The following MARK1 variants were observed in gnomAD, a reference collection of about 807,000 sequenced individuals.
The protein encoded by MARK1 is microtubule affinity regulating kinase 1, also known as serine/threonine-protein kinase MARK1.
A neutral mutation model predicts 96.3 loss-of-function variants in MARK1; 40 were observed. That is an observed-to-expected ratio of 0.42 (90% CI 0.32 to 0.54). The LOEUF (loss-of-function observed/expected upper bound fraction) is 0.54, where lower values mean the gene tolerates loss of function less well. MARK1 is among the 20% of genes least tolerant of loss of function. MARK1 has a pLI of 0.16. For synonymous variants in MARK1, 317 were observed against 341.2 expected (o/e 0.93, Z 0.78); for missense variants, 719 against 984.6 (o/e 0.73, Z 3.61).
At chr1:220,605,027 T>A (rs540051517) in intron 6 of MARK1, among the ~76,000 whole-genome samples, 1 of 152,260 alleles carries the variant, frequency 6.6e-6, no homozygotes, top group South Asian at 2.1e-4. Context: ...GTAATCAGTA[T>A]GTTCGGAAAA....
chr1:220,593,679 G>A (rs1423813485), intron 3 of MARK1, among the ~76,000 whole-genome samples: 1 of 152,128 alleles, frequency 6.6e-6, no homozygotes, highest in Non-Finnish European at 1.5e-5. Context: ...GGTTCTCAGG[G>A]AGGTGAGTCT....
intron 1 of MARK1, among the ~76,000 whole-genome samples, chr1:220,551,133 C>T (rs561097160): frequency 6.6e-6 from 1 of 152,302 alleles, no homozygotes; most frequent in African/African-American, 2.4e-5. Flanking sequence ...TAAGCTGGTG[C>T]CCTTCATTGG....
At chr1:220,598,689 A>G (rs551745073) in intron 4 of MARK1, among the ~76,000 whole-genome samples, 1 of 151,838 alleles carries the variant, frequency 6.6e-6, no homozygotes, top group African/African-American at 2.4e-5. Context: ...AATGTTTCTA[A>G]ATTTAAAAAA....
chr1:220,561,744 A>C (rs1203006667), intron 1 of MARK1, among the ~76,000 whole-genome samples: 2 of 152,230 alleles, frequency 1.3e-5, no homozygotes, highest in Non-Finnish European at 2.9e-5. Context: ...GGGTGAATGA[A>C]GAGACAGTAT....
chr1:220,604,713 GAA>G (rs1178498183), intron 6 of MARK1, among the ~76,000 whole-genome samples: 1 of 151,636 alleles, frequency 6.6e-6, no homozygotes, highest in Non-Finnish European at 1.5e-5. Context: ...GATAAAATAA[GAA>G]AAAATAAATT....
chr1:220,555,919 C>A (rs1269505520), intron 1 of MARK1, among the ~76,000 whole-genome samples: 1 of 152,172 alleles, frequency 6.6e-6, no homozygotes, highest in Non-Finnish European at 1.5e-5. Context: ...GGTTCCCTTT[C>A]TTCTTGCTGC....
intron 1 of MARK1, chr1:220,576,764 T>TTTG (rs1663879661): frequency 6.6e-6 from 1 of 152,204 alleles, no homozygotes; most frequent in African/African-American, 2.4e-5. Context: ...TATTTGTGCC[T>TTTG]AACACTATAT....
intron 3 of MARK1, among the ~76,000 whole-genome samples, chr1:220,586,003 ACACACACACG>A (rs893603085): frequency 3.6e-4 from 15 of 41,934 alleles, no homozygotes; most frequent in African/African-American, 6.4e-4. Flanking sequence ...ACACACACAC[ACACACACACG>A]CGCGCGTGCG....
chr1:220,637,039 C>T (rs1572213805), intron 13 of MARK1, among the ~76,000 whole-genome samples: 1 of 152,248 alleles, frequency 6.6e-6, no homozygotes, highest in African/African-American at 2.4e-5. Flanking sequence ...CTTATCTAGC[C>T]ATGTTGTCAT....
At chr1:220,650,142 C>T (rs1436418475) in intron 13 of MARK1, among the ~76,000 whole-genome samples, 1 of 152,134 alleles carries the variant, frequency 6.6e-6, no homozygotes, top group Non-Finnish European at 1.5e-5. Flanking sequence ...GGCATTTAGT[C>T]TGCTTAATAT....
At chr1:220,560,936 T>C (rs993664290) in intron 1 of MARK1, among the ~76,000 whole-genome samples, 1 of 152,188 alleles carries the variant, frequency 6.6e-6, no homozygotes, top group Non-Finnish European at 1.5e-5. Context: ...AGCTCATTTG[T>C]ATATGTGTGT....
In MARK1 at chr1:220,535,830, G is replaced by A. The variant is rs377600991; in HGVS notation, c.51+6957G>A. 7.9e-5 allele frequency among the ~76,000 whole-genome samples: 12 copies of A among 152,170 alleles called. 1 individual carries two copies. Among genetic ancestry groups the A allele is most frequent in the Admixed American group, 2.6e-4 (4 of 15,268 alleles). On this transcript the variant is annotated intron_variant, in intron 1 of 17. Transcript: ENST00000366917. ...GAAAATCATTTGACTGTGTATGCATGGGTTCATTTCTGAGCTCTCTATTCT... is the reference window on the plus strand; with the variant it reads ...GAAAATCATTTGACTGTGTATGCATAGGTTCATTTCTGAGCTCTCTATTCT...
intron 9 of MARK1, among the ~76,000 whole-genome samples, chr1:220,621,424 G>C (rs939043282): frequency 5.9e-5 from 9 of 152,042 alleles, no homozygotes; most frequent in Non-Finnish European, 7.4e-5. Context: ...GTGACCCAAG[G>C]CTTTTGAATG....
At chr1:220,655,626 C>T (rs898026551) in intron 16 of MARK1, among the ~76,000 whole-genome samples, 1 of 152,162 alleles carries the variant, frequency 6.6e-6, no homozygotes, top group South Asian at 2.1e-4. Context: ...CAGGATTTAA[C>T]TGCTTGTATC....
At chr1:220,587,633 G>A (rs1664732448) in intron 3 of MARK1, among the ~76,000 whole-genome samples, 1 of 152,118 alleles carries the variant, frequency 6.6e-6, no homozygotes, top group African/African-American at 2.4e-5. Context: ...GCCTCCCAAA[G>A]TGCTGGGATT....
intron 1 of MARK1, among the ~76,000 whole-genome samples, chr1:220,567,481 C>G (rs1018132454): frequency 1.3e-5 from 2 of 152,086 alleles, no homozygotes; most frequent in African/African-American, 4.8e-5. Flanking sequence ...ATGTGGTAAG[C>G]CTTTTCACAT....
chr1:220,563,711 A>C (rs1489885563), intron 1 of MARK1, among the ~76,000 whole-genome samples: 1 of 152,094 alleles, frequency 6.6e-6, no homozygotes, highest in African/African-American at 2.4e-5. Context: ...GTGGTAACCT[A>C]GGAATACCCA....
At position 220,556,508 on chromosome 1, in the gene MARK1, AAATT is replaced by A. The variant is rs1243000105; in HGVS notation, c.52-22844_52-22841del. Among the ~76,000 whole-genome samples, 919 of 146,518 alleles carry A rather than the reference AAATT, an allele frequency of 6.3e-3. 9 individuals carry two copies. The highest frequency in any genetic ancestry group is 0.022 in the African/African-American group (885 of 39,360). The stretch of plus-strand genomic sequence containing the variant: ...CACAAAAAAAAAAAAAAAAAAAAAC[AAATT>A]ACAGATTTCATGAGGAAACTAACCA... On this transcript the variant is annotated intron_variant, in intron 1 of 17. Coordinates refer to ENST00000366917, the MANE Select transcript of MARK1 (RefSeq NM_018650.5).
chr1:220,565,875 C>T (rs1240242123), intron 1 of MARK1, among the ~76,000 whole-genome samples: 1 of 152,174 alleles, frequency 6.6e-6, no homozygotes, highest in African/African-American at 2.4e-5. Context: ...TGATAACACT[C>T]TGTAAACACT....
Sources: gnomAD v4.1 joint callset for allele counts (sites outside exome capture counted in the v4.1 genomes callset) on GRCh38, gnomAD v4.1.1 for gene constraint, MANE v1.5 for transcripts, NCBI Gene and HGNC (gene_info 2026-07-23, HGNC 2026-07-21) for gene names.